The following OR5B3 variants were observed in gnomAD, a reference collection of about 807,000 sequenced individuals.
OR5B3 encodes the protein olfactory receptor family 5 subfamily B member 3.
For synonymous variants in OR5B3, 150 were observed against 135.0 expected, an observed-to-expected ratio of 1.11 and a Z score of -0.77; for missense variants, 430 against 375.4, an observed-to-expected ratio of 1.15 and a Z score of -1.20.
Position 58,406,188 on chromosome 11 carries a change from TGAGAGAGAAAGA to T in OR5B3, c.-27+601_-27+612del, listed in dbSNP as rs747203182. Among the ~76,000 whole-genome samples, 60 of 136,748 alleles carry T rather than the reference TGAGAGAGAAAGA, an allele frequency of 4.4e-4. 1 individual carries two copies. Among genetic ancestry groups the T allele is most frequent in the Middle Eastern group, 3.8e-3 (1 of 262 alleles). The allele number at this position is 136,748 out of a possible 152,430, so 89.7% of individuals were successfully genotyped here. ...ATGCGTGTGTGCGCATGTGTGTGTG[TGAGAGAGAAAGA>T]GAGAGAGAGTTAGATAGTATTATTA... On this transcript the variant is annotated intron_variant, in intron 1 of 1. Transcript: ENST00000641865.
chr11:58,402,913 A>C lies in OR5B3; in HGVS notation c.497T>G (p.Phe166Cys). The C allele has an allele frequency of 6.2e-7, 1 of 1,614,038 alleles. No homozygotes were observed. The highest frequency in any genetic ancestry group is 8.5e-7 in the Non-Finnish European group (1 of 1,179,902). Residue 166 changes from phenylalanine (F) to cysteine (C), a missense_variant, in exon 2 of 2, where the codon TTC (phenylalanine) becomes TGC (cysteine). Physicochemically the swap from Phe to Cys is radical, Grantham distance 205 (BLOSUM62 -2). Transcript: ENST00000641865. ...GTGATGGACTTCATTGGACTTACAG[A>C]AAGAGAGACTAAATGTGTCCCCAGT... ...IHTGDTFSLSFCKSNEVHHFF... is the reference protein window; with the variant it reads ...IHTGDTFSLSCCKSNEVHHFF...
rs748660959 is a variant in OR5B3 at position 58,402,500 on chromosome 11, C to T, written c.910G>A (p.Glu304Lys). The T allele has an allele frequency of 2.5e-6, 4 of 1,612,734 alleles. No individual in the cohort carries two copies. Among genetic ancestry groups the T allele is most frequent in the Non-Finnish European group, 3.4e-6 (4 of 1,178,894 alleles). Residue 304 changes from glutamate to lysine, a missense_variant, in exon 2 of 2, where the codon GAG (glutamate) becomes AAG (lysine). Coordinates refer to ENST00000641865, the MANE Select transcript of OR5B3 (RefSeq NM_001005469.2). ...EVKSAFKKVV[E>K]KAKLSVGWSV ...CATCCTACAGACAATTTTGCCTTCT[C>T]AACAACTTTCTTGAATGCACTCTTC...
chr11:58,404,343 G>T lies in OR5B3; in HGVS notation c.-26-908C>A, dbSNP rs545062616. Among the ~76,000 whole-genome samples the T allele has an allele frequency of 7.6e-5, 9 of 118,430 alleles. No homozygotes were observed. In the South Asian group the frequency reaches 1.3e-3, roughly 17 times the overall value. The allele number at this position is 118,430 out of a possible 152,430, so 77.7% of individuals were successfully genotyped here. ...GACCTACTTTGAGGTATTATTGTGA[G>T]AATTAAATAAGATAATCCATTAAAA... is the stretch of plus-strand genomic sequence containing the variant. On this transcript the variant is annotated intron_variant, in intron 1 of 1. Transcript: ENST00000641865.
In OR5B3 at chr11:58,402,581, T is replaced by A; in HGVS notation, c.829A>T (p.Thr277Ser). 1 of 1,613,524 alleles carries A rather than the reference T, an allele frequency of 6.2e-7. No homozygotes were observed. The stretch of plus-strand genomic sequence containing the variant: ...GGGTTCAGCATGGGGATGACCATTG[T>A]ATAGAACACAGGTGCCATTTTGTCT... ...DTDKMAPVFY[T>S]MVIPMLNPLV... The change falls in exon 2 of 2, where the codon ACA (threonine) becomes TCA (serine). Residue 277 changes from threonine (T) to serine (S), a missense_variant. Thr to Ser is a moderately conservative substitution (Grantham distance 58). Coordinates refer to ENST00000641865, the MANE Select transcript of OR5B3 (RefSeq NM_001005469.2).
chr11:58,405,569 A>G (rs2119895814), intron 1 of OR5B3, among the ~76,000 whole-genome samples: 1 of 152,254 alleles, frequency 6.6e-6, no homozygotes, highest in South Asian at 2.1e-4. Context: ...GACACATGGT[A>G]GAGAACAACA....
chr11:58,402,787 G>A lies in OR5B3; in HGVS notation c.623C>T (p.Ala208Val), dbSNP rs1855047045. The stretch of plus-strand genomic sequence containing the variant: ...GTAGGATATCAAGATAACCAGGAGA[G>A]CTATAAAGATATTGAAGCTCACAAC... ...IYVVSFNIFI[A>V]LLVILISYTF... Residue 208 changes from alanine to valine, a missense_variant, in exon 2 of 2, where the codon GCT (alanine) becomes GTT (valine). Physicochemically the swap from Ala to Val is moderately conservative, Grantham distance 64. Coordinates refer to ENST00000641865, the MANE Select transcript of OR5B3 (RefSeq NM_001005469.2). The A allele has an allele frequency of 1.2e-6, 2 of 1,613,844 alleles. No individual in the cohort carries two copies. The highest frequency in any genetic ancestry group is 1.7e-6 in the Non-Finnish European group (2 of 1,179,916).
chr11:58,402,826 A>G lies in OR5B3; in HGVS notation c.584T>C (p.Leu195Pro). Residue 195 changes from leucine (L) to proline (P), a missense_variant, in exon 2 of 2, where the codon CTT becomes CCT. By Grantham distance (98) the Leu-to-Pro change is moderately conservative. Coordinates refer to ENST00000641865, the MANE Select transcript of OR5B3 (RefSeq NM_001005469.2). Reference protein sequence around the residue: ...LSCSDRHISELVLIYVVSFNI... With the variant: ...LSCSDRHISEPVLIYVVSFNI... ...GAAGCTCACAACATAAATAAGAACAAGCTCGCTAATATGTCTATCAGAGCA... is the reference window on the plus strand; with the variant it reads ...GAAGCTCACAACATAAATAAGAACAGGCTCGCTAATATGTCTATCAGAGCA... 1 of 1,613,906 alleles carries G rather than the reference A, an allele frequency of 6.2e-7. No individual in the cohort carries two copies. Among genetic ancestry groups the G allele is most frequent in the South Asian group, 1.1e-5 (1 of 91,078 alleles).
In OR5B3 at chr11:58,402,773, A is replaced by G. The variant is rs1011150386; in HGVS notation, c.637T>C (p.Leu213=). The change falls in exon 2 of 2, where the codon TTG becomes CTG. Residue 213 remains leucine, a synonymous_variant. Coordinates refer to ENST00000641865, the MANE Select transcript of OR5B3 (RefSeq NM_001005469.2). ...FNIFIALLVI[L]ISYTFIFITI... is the part of the protein sequence containing the mutation. Reference sequence around the variant, plus strand: ...ATAAAAATGAATGTGTAGGATATCAAGATAACCAGGAGAGCTATAAAGATA... The same window carrying G: ...ATAAAAATGAATGTGTAGGATATCAGGATAACCAGGAGAGCTATAAAGATA... The G allele has an allele frequency of 1.2e-6, 2 of 1,613,924 alleles. No homozygotes were observed. Among genetic ancestry groups the G allele is most frequent in the African/African-American group, 2.7e-5 (2 of 75,040 alleles).
chr11:58,403,454 A>G lies in OR5B3; in HGVS notation c.-26-19T>C, dbSNP rs12278966. ...CAGGATGCTTGTAGCAATACAAAAA[A>G]GAACAGTGTGATAAATAAATTGAAT... On this transcript the variant is annotated intron_variant, in intron 1 of 1. Transcript: ENST00000641865. 0.34 allele frequency: 346,557 copies of G among 1,019,424 alleles called. 60,405 individuals carry two copies. The highest frequency in any genetic ancestry group is 0.36 in the Non-Finnish European group (252,678 of 692,624). The allele number at this position is 1,019,424 out of a possible 1,614,324, so 63.1% of individuals were successfully genotyped here. A position where few individuals can be genotyped will look rare whatever the true frequency, so the allele number is the denominator to read the frequency against.
chr11:58,404,452 T>C (rs1298996801), intron 1 of OR5B3, among the ~76,000 whole-genome samples: 1 of 151,178 alleles, frequency 6.6e-6, no homozygotes, highest in Non-Finnish European at 1.5e-5. Context: ...TTTTTGTTGG[T>C]TTGATAAAGG....
intron 1 of OR5B3, 61 bp downstream of exon 1, chr11:58,406,740 C>G (rs1433629597): frequency 6.6e-6 from 1 of 152,118 alleles, no homozygotes; most frequent in East Asian, 1.9e-4. Flanking sequence ...GTATAGCTGC[C>G]CCACTGCTTT....
rs771590665 is a variant in OR5B3, at chr11:58,402,880, C to G, written c.530G>C (p.Cys177Ser). ...GAGAACCATGACTGCTGGAATATCACAGAAAAAGTGATGGACTTCATTGGA... is the reference window on the plus strand; with the variant it reads ...GAGAACCATGACTGCTGGAATATCAGAGAAAAAGTGATGGACTTCATTGGA... Reference protein sequence around the residue: ...CKSNEVHHFFCDIPAVMVLSC... With the variant: ...CKSNEVHHFFSDIPAVMVLSC... The change falls in exon 2 of 2, where the codon TGT (cysteine) becomes TCT (serine). Residue 177 changes from cysteine (C) to serine (S), a missense_variant. By Grantham distance (112) the Cys-to-Ser change is moderately radical. Transcript: ENST00000641865. 6.2e-7 allele frequency: 1 copy of G among 1,613,980 alleles called. No homozygotes were observed. Among genetic ancestry groups the G allele is most frequent in the Non-Finnish European group, 8.5e-7 (1 of 1,179,916 alleles).
rs766147438 is a variant in OR5B3 at position 58,402,896 on chromosome 11, CT to C, written c.513del (p.Val172SerfsTer30). The C allele has an allele frequency of 1.9e-6, 3 of 1,613,972 alleles. No homozygotes were observed. In the South Asian group the frequency reaches 3.3e-5, roughly 18 times the overall value. ...TFSLSFCKSN[E>X]VHHFFCDIPA... ...GGAATATCACAGAAAAAGTGATGGA[CT>C]TCATTGGACTTACAGAAAGAGAGAC... On this transcript the variant is annotated frameshift_variant, in exon 2 of 2. Transcript: ENST00000641865. LOFTEE classifies it low-confidence loss of function (END_TRUNC).
Position 58,402,707 on chromosome 11 carries a change from G to C in OR5B3, c.703C>G (p.Pro235Ala), listed in dbSNP as rs374630016. 2 of 1,613,726 alleles carry C rather than the reference G, an allele frequency of 1.2e-6. No homozygotes were observed. Among genetic ancestry groups the C allele is most frequent in the African/African-American group, 1.3e-5 (1 of 74,888 alleles). ...KMHSASVYQK[P>A]LSTCASHFIA... is the part of the protein sequence containing the mutation. ...AAATGAGAGGCACAGGTGGACAAAGGCTTCTGGTATACTGAAGCTGAGTGC... is the reference window on the plus strand; with the variant it reads ...AAATGAGAGGCACAGGTGGACAAAGCCTTCTGGTATACTGAAGCTGAGTGC... Residue 235 changes from proline (P) to alanine (A), a missense_variant, in exon 2 of 2, where the codon CCT becomes GCT. Transcript: ENST00000641865.
At chr11:58,405,083 G>T (rs976744907) in intron 1 of OR5B3, among the ~76,000 whole-genome samples, 1 of 151,974 alleles carries the variant, frequency 6.6e-6, no homozygotes, top group African/African-American at 2.4e-5. Flanking sequence ...AGTGTCTATT[G>T]TTCCCATATT....
At chr11:58,405,695 C>T (rs759093585) in intron 1 of OR5B3, among the ~76,000 whole-genome samples, 3 of 152,066 alleles carry the variant, frequency 2.0e-5, no homozygotes, top group Non-Finnish European at 4.4e-5. Context: ...AGCTAATCAC[C>T]ATGGCACATC....
chr11:58,402,694 C>A lies in OR5B3; in HGVS notation c.716G>T (p.Cys239Phe), dbSNP rs766940067. 1 of 1,613,850 alleles carries A rather than the reference C, an allele frequency of 6.2e-7. No individual in the cohort carries two copies. The highest frequency in any genetic ancestry group is 8.5e-7 in the Non-Finnish European group (1 of 1,179,886). Residue 239 changes from cysteine to phenylalanine, a missense_variant, in exon 2 of 2, where the codon TGT becomes TTT. Transcript: ENST00000641865. Reference sequence around the variant, plus strand: ...GCCGACTGCAATGAAATGAGAGGCACAGGTGGACAAAGGCTTCTGGTATAC... The same window carrying A: ...GCCGACTGCAATGAAATGAGAGGCAAAGGTGGACAAAGGCTTCTGGTATAC... ...ASVYQKPLST[C>F]ASHFIAVGIF...
At chr11:58,405,502 A>G (rs1223788556) in intron 1 of OR5B3, among the ~76,000 whole-genome samples, 1 of 152,160 alleles carries the variant, frequency 6.6e-6, no homozygotes, top group Non-Finnish European at 1.5e-5. Flanking sequence ...CAGAAACAGA[A>G]AATCAAATAC....
chr11:58,404,565 T>C (rs1352406845), intron 1 of OR5B3, among the ~76,000 whole-genome samples: 1 of 151,918 alleles, frequency 6.6e-6, no homozygotes, highest in Non-Finnish European at 1.5e-5. Flanking sequence ...TGAGATTTTC[T>C]GTGTTCTTCA....
Sources: gnomAD v4.1 joint callset for allele counts (sites outside exome capture counted in the v4.1 genomes callset) on GRCh38, gnomAD v4.1.1 for gene constraint, MANE v1.5 for transcripts, NCBI Gene and HGNC (gene_info 2026-07-23, HGNC 2026-07-21) for gene names.